Variants in SCFD2 observed in about 807,000 individuals in gnomAD.
SCFD2 encodes the protein sec1 family domain containing 2, also known as sec1 family domain-containing protein 2.
SCFD2 carries 54 observed loss-of-function variants against 58.9 expected under a neutral mutation model. That is an observed-to-expected ratio of 0.92 (90% CI 0.74 to 1.15). SCFD2 has a LOEUF of 1.15. Ranked by LOEUF, SCFD2 falls within the 50% of genes most tolerant of loss-of-function variation. SCFD2 has a pLI of 0.00. For missense variants in SCFD2, 805 were observed against 836.6 expected, an observed-to-expected ratio of 0.96 and a Z score of 0.47; for synonymous variants, 321 against 335.9, an observed-to-expected ratio of 0.96 and a Z score of 0.49.
At chr4:53,345,956 G>T (rs544629029) in intron 2 of SCFD2, among the ~76,000 whole-genome samples, 26 of 152,252 alleles carry the variant, frequency 1.7e-4, no homozygotes, top group African/African-American at 4.8e-4. Flanking sequence ...AGTGGATTAG[G>T]GGGGGCTTGG....
chr4:52,922,054 TC>T (rs765759428), intron 5 of SCFD2, among the ~76,000 whole-genome samples: 12 of 152,022 alleles, frequency 7.9e-5, no homozygotes, highest in African/African-American at 1.7e-4. Flanking sequence ...CTTTCCTTCC[TC>T]CCCCGTCTCA....
At chr4:53,280,447 CAG>C (rs1268657244) in intron 3 of SCFD2, among the ~76,000 whole-genome samples, 2 of 151,570 alleles carry the variant, frequency 1.3e-5, no homozygotes, top group Non-Finnish European at 2.9e-5. Context: ...GCCCAGGAGA[CAG>C]AGGTTGCAGT....
intron 2 of SCFD2, among the ~76,000 whole-genome samples, chr4:53,333,171 G>C (rs1372054110): frequency 7.4e-6 from 1 of 135,084 alleles, no homozygotes; most frequent in Non-Finnish European, 1.6e-5. Flanking sequence ...TGGCCATACT[G>C]CCCAAGGTAA....
At chr4:53,154,196 C>T (rs1284629469) in intron 4 of SCFD2, among the ~76,000 whole-genome samples, 2 of 152,122 alleles carry the variant, frequency 1.3e-5, no homozygotes, top group African/African-American at 2.4e-5. Flanking sequence ...TAAAGGAATA[C>T]CTGAGGCTGG....
chr4:53,015,770 T>TA (rs1722198742), intron 5 of SCFD2, among the ~76,000 whole-genome samples: 1 of 152,184 alleles, frequency 6.6e-6, no homozygotes, highest in Non-Finnish European at 1.5e-5. Flanking sequence ...AGCAAATTGA[T>TA]AAACGGTCTT....
At chr4:53,065,682 A>T (rs933501196) in intron 5 of SCFD2, among the ~76,000 whole-genome samples, 6 of 151,934 alleles carry the variant, frequency 3.9e-5, no homozygotes, top group African/African-American at 1.2e-4. Context: ...AAAAATGATA[A>T]TTTTTTTCCC....
intron 4 of SCFD2, among the ~76,000 whole-genome samples, chr4:53,258,623 T>C (rs1253512633): frequency 6.7e-6 from 1 of 149,550 alleles, no homozygotes; most frequent in Non-Finnish European, 1.5e-5. Context: ...CACCCATTGA[T>C]TGATGGGCAT....
chr4:53,050,434 A>G (rs1723158900), intron 5 of SCFD2, among the ~76,000 whole-genome samples: 1 of 152,224 alleles, frequency 6.6e-6, no homozygotes, highest in South Asian at 2.1e-4. Context: ...ATACTTCAAG[A>G]TGACAAAGCT....
At chr4:52,927,061 G>A (rs1392748487) in intron 5 of SCFD2, among the ~76,000 whole-genome samples, 3 of 152,184 alleles carry the variant, frequency 2.0e-5, no homozygotes, top group South Asian at 2.1e-4. Context: ...GGACAGTCCC[G>A]GGAAGTGCAT....
chr4:52,909,066 T>C (rs192018092), intron 6 of SCFD2, among the ~76,000 whole-genome samples: 290 of 152,308 alleles, frequency 1.9e-3, no homozygotes, highest in Non-Finnish European at 3.4e-3. Context: ...ATACACTCTT[T>C]TGATGAGGCC....
chr4:53,319,125 TC>T (rs1428104910), intron 2 of SCFD2, among the ~76,000 whole-genome samples: 1 of 152,226 alleles, frequency 6.6e-6, no homozygotes. Flanking sequence ...TCTTTTCAAA[TC>T]CATAATATCC....
At chr4:53,174,414 A>G (rs1316940840) in intron 4 of SCFD2, among the ~76,000 whole-genome samples, 2 of 152,194 alleles carry the variant, frequency 1.3e-5, no homozygotes, top group East Asian at 3.8e-4. Context: ...AAAAATATAT[A>G]TACATACACA....
At chr4:53,212,483 T>TAAATAAATA (rs577178068) in intron 4 of SCFD2, among the ~76,000 whole-genome samples, 66 of 139,122 alleles carry the variant, frequency 4.7e-4, no homozygotes, top group Non-Finnish European at 6.8e-4. Context: ...AATAAATAAA[T>TAAATAAATA]AATAATAATA....
intron 4 of SCFD2, among the ~76,000 whole-genome samples, chr4:53,174,034 T>TA (rs1560369327): frequency 6.6e-6 from 1 of 152,066 alleles, no homozygotes; most frequent in East Asian, 1.9e-4. Context: ...CTGATATTTT[T>TA]AAAAAAGAAG....
intron 4 of SCFD2, among the ~76,000 whole-genome samples, chr4:53,186,574 A>T (rs996525502): frequency 2.0e-5 from 3 of 152,148 alleles, no homozygotes; most frequent in African/African-American, 4.8e-5. Flanking sequence ...AGCAACAAGC[A>T]GTTATTCTGT....
chr4:52,972,206 A>C (rs1721122507), intron 5 of SCFD2, among the ~76,000 whole-genome samples: 1 of 152,254 alleles, frequency 6.6e-6, no homozygotes, highest in Non-Finnish European at 1.5e-5. Context: ...GCTCCAATTA[A>C]AAGGCACAGA....
chr4:53,228,503 T>C (rs1729305174), intron 4 of SCFD2, among the ~76,000 whole-genome samples: 1 of 152,170 alleles, frequency 6.6e-6, no homozygotes, highest in African/African-American at 2.4e-5. Flanking sequence ...ATAAAATAGA[T>C]ACAAACGTTA....
intron 5 of SCFD2, among the ~76,000 whole-genome samples, chr4:52,932,875 C>G (rs1406490546): frequency 6.6e-6 from 1 of 152,122 alleles, no homozygotes; most frequent in East Asian, 1.9e-4. Context: ...AATGAGGCCC[C>G]TTATCTATCA....
chr4:53,033,568 C>T (rs1330378857), intron 5 of SCFD2, among the ~76,000 whole-genome samples: 1 of 151,828 alleles, frequency 6.6e-6, no homozygotes, highest in Non-Finnish European at 1.5e-5. Context: ...AGATAGACCA[C>T]TAGCCAGAAT....
Sources: allele counts gnomAD v4.1 joint callset (sites outside exome capture counted in the v4.1 genomes callset), GRCh38; gene constraint gnomAD v4.1.1; transcripts MANE v1.5; gene names NCBI Gene and HGNC (gene_info 2026-07-23, HGNC 2026-07-21).